The following PANX2 variants were observed in gnomAD, a reference collection of about 807,000 sequenced individuals.
PANX2 encodes pannexin 2, also known as pannexin-2.
A neutral mutation model predicts 38.7 loss-of-function variants in PANX2; 30 were observed. The observed-to-expected ratio is 0.78, with a 90% CI of 0.58 to 1.05. PANX2 has a LOEUF of 1.05. PANX2 is among the 50% of genes least tolerant of loss of function. The pLI is 0.00. For missense variants in PANX2, 880 were observed against 979.3 expected (o/e 0.90, Z 1.35); for synonymous variants, 539 against 472.1 (o/e 1.14, Z -1.84).
intron 1 of PANX2, among the ~76,000 whole-genome samples, chr22:50,176,118 G>T (rs776354908): frequency 6.6e-6 from 1 of 152,220 alleles, no homozygotes; most frequent in Non-Finnish European, 1.5e-5. Context: ...GCCTTCCTGG[G>T]AAACGTTAGC....
In PANX2 at chr22:50,177,767, A is replaced by G. The variant is rs142660378; in HGVS notation, c.1055A>G (p.Asn352Ser). ...CDINILAMFCNENRDHIKSLN... is the reference protein window; with the variant it reads ...CDINILAMFCSENRDHIKSLN... ...ATCAACATCCTGGCCATGTTCTGCA[A>G]CGAGAACCGCGACCACATCAAGTCG... Residue 352 changes from asparagine (N) to serine (S), a missense_variant, in exon 2 of 3, where the codon AAC becomes AGC. Transcript: ENST00000395842. The G allele has an allele frequency of 1.9e-6, 3 of 1,607,724 alleles. No homozygotes were observed. Among genetic ancestry groups the G allele is most frequent in the Non-Finnish European group, 1.7e-6 (2 of 1,179,782 alleles).
Position 50,178,308 on chromosome 22 carries a change from G to A in PANX2, c.1596G>A (p.Val532=). ...LGTKKAKAEA[V]PAALPASRSQ... is the part of the protein sequence containing the mutation. ...CCAAGAAGGCCAAGGCCGAGGCGGT[G>A]CCCGCCGCCCTGCCCGCCTCCCGGA... Residue 532 remains valine, a synonymous_variant, in exon 2 of 3, where the codon GTG becomes GTA. Coordinates refer to ENST00000395842, the MANE Select transcript of PANX2 (RefSeq NM_052839.4). The A allele has an allele frequency of 6.6e-7, 1 of 1,517,764 alleles. No homozygotes were observed. The allele number at this position is 1,517,764 out of a possible 1,614,324, so 94.0% of individuals were successfully genotyped here.
chr22:50,177,775 C>A lies in PANX2; in HGVS notation c.1063C>A (p.Arg355Ser). 1 of 1,606,682 alleles carries A rather than the reference C, an allele frequency of 6.2e-7. No individual in the cohort carries two copies. Among genetic ancestry groups the A allele is most frequent in the Non-Finnish European group, 8.5e-7 (1 of 1,179,802 alleles). ...NILAMFCNEN[R>S]DHIKSLNRLD... ...CCTGGCCATGTTCTGCAACGAGAACCGCGACCACATCAAGTCGCTCAACCG... is the reference window on the plus strand; with the variant it reads ...CCTGGCCATGTTCTGCAACGAGAACAGCGACCACATCAAGTCGCTCAACCG... Residue 355 changes from arginine to serine, a missense_variant, in exon 2 of 3, where the codon CGC becomes AGC. Around this residue, in one of 4 missense-constraint regions of PANX2, gnomAD observed 78 missense variants for 133.1 expected, o/e 0.59. Transcript: ENST00000395842.
In PANX2 at chr22:50,176,058, G is replaced by A. The variant is rs2063659547; in HGVS notation, c.227-881G>A. ...GGCCTCCGCGCCTGTGCTGTGTGAA[G>A]GGCTCAGCCTGAAGAGACTGCACGG... On this transcript the variant is annotated intron_variant, in intron 1 of 2. Transcript: ENST00000395842. 3.9e-5 allele frequency among the ~76,000 whole-genome samples: 6 copies of A among 152,308 alleles called. No individual in the cohort carries two copies. The South Asian group carries it at 1.2e-3, about 32-fold the overall frequency.
intron 1 of PANX2, among the ~76,000 whole-genome samples, chr22:50,173,475 G>A (rs1257851409): frequency 6.6e-6 from 1 of 152,406 alleles, no homozygotes; most frequent in South Asian, 2.1e-4. Context: ...GCAGGGTTGG[G>A]CCTGAGGGCC....
rs541592357 is a variant in PANX2 at position 50,179,402 on chromosome 22, A to G, written c.*125A>G. The G allele has an allele frequency of 2.4e-3, 2,025 of 855,062 alleles. 5 individuals are homozygous for G. Among genetic ancestry groups the G allele is most frequent in the Non-Finnish European group, 3.1e-3 (1,722 of 552,160 alleles). 53.0% of individuals were successfully genotyped at this position (855,062 alleles called of 1,614,324 possible). On this transcript the variant is annotated 3_prime_UTR_variant, in exon 3 of 3. Transcript: ENST00000395842. ...CTTCGCCCGCACTGCGCGCATCCCC[A>G]ACCTCTGTCCGCATGCCTGGGGCCT...
At position 50,177,393 on chromosome 22, in the gene PANX2, C is replaced by A. The variant is rs777623921; in HGVS notation, c.681C>A (p.Tyr227Ter). 1.2e-6 allele frequency: 2 copies of A among 1,609,630 alleles called. No individual in the cohort carries two copies. Among genetic ancestry groups the A allele is most frequent in the Non-Finnish European group, 1.7e-6 (2 of 1,178,540 alleles). The change falls in exon 2 of 3, where the codon TAC (tyrosine) becomes TAA (stop). Residue 227 changes from tyrosine to a stop codon, truncating the protein, a stop_gained. Transcript: ENST00000395842. LOFTEE classifies it high-confidence loss of function. ...RGRSNFLAKL[Y>*]LARHVLILLL... The stretch of plus-strand genomic sequence containing the variant: ...GCAGCAACTTCCTGGCCAAGCTGTA[C>A]CTGGCGCGGCACGTGCTGATCCTGC...
At chr22:50,173,291 C>T (rs1160449972) in intron 1 of PANX2, among the ~76,000 whole-genome samples, 1 of 152,266 alleles carries the variant, frequency 6.6e-6, no homozygotes, top group Non-Finnish European at 1.5e-5. Flanking sequence ...CCTCGGCCTC[C>T]CAAATTGCTG....
In PANX2 at chr22:50,177,555, C is replaced by G. The variant is rs747719403; in HGVS notation, c.843C>G (p.Leu281=). Residue 281 remains leucine (L), a synonymous_variant, in exon 2 of 3, where the codon CTC becomes CTG. Transcript: ENST00000395842. The stretch of plus-strand genomic sequence containing the variant: ...CCGCGGTGCGCGTGAGCTGCAAGCT[C>G]CCGTCCGTGCAACTGCAGCGCATCA... The part of the protein sequence containing the change: ...AGPAVRVSCK[L]PSVQLQRIIA... The G allele has an allele frequency of 1.9e-6, 3 of 1,612,046 alleles. No individual in the cohort carries two copies. The highest frequency in any genetic ancestry group is 2.5e-6 in the Non-Finnish European group (3 of 1,179,762).
intron 1 of PANX2, chr22:50,175,559 A>G: frequency 1.4e-6 from 1 of 726,566 alleles, no homozygotes; most frequent in Admixed American, 3.0e-5. Flanking sequence ...CTCTGAGCCC[A>G]GCTCATCTCC....
At position 50,179,313 on chromosome 22, in the gene PANX2, GC is replaced by G. The variant is rs1304687657; in HGVS notation, c.*38del. Reference sequence around the variant, plus strand: ...CGTCCAGGCCGCCGAGAGCCCCTCTGCCTGTGTCGTGTGGCCTGGCCAGCCT... The same window carrying G: ...CGTCCAGGCCGCCGAGAGCCCCTCTGCTGTGTCGTGTGGCCTGGCCAGCCT... On this transcript the variant is annotated 3_prime_UTR_variant, in exon 3 of 3. Transcript: ENST00000395842. The G allele has an allele frequency of 3.2e-6, 5 of 1,576,556 alleles. No homozygotes were observed. Among genetic ancestry groups the G allele is most frequent in the Non-Finnish European group, 4.3e-6 (5 of 1,154,654 alleles).
chr22:50,177,864 G>T lies in PANX2; in HGVS notation c.1152G>T (p.Ala384=). 6.4e-7 allele frequency: 1 copy of T among 1,568,846 alleles called. No individual in the cohort carries two copies. The highest frequency in any genetic ancestry group is 8.6e-7 in the Non-Finnish European group (1 of 1,163,896). ...MYDNVVRQLL[A]ALAQSNHDAT... ...ACAACGTGGTCCGGCAGCTGCTGGC[G>T]GCGCTGGCGCAGTCCAACCACGACG... is the stretch of plus-strand genomic sequence containing the variant. Residue 384 remains alanine, a synonymous_variant, in exon 2 of 3, where the codon GCG becomes GCT. Coordinates refer to ENST00000395842, the MANE Select transcript of PANX2 (RefSeq NM_052839.4).
In PANX2 at chr22:50,177,196, G is replaced by C. The variant is rs779334671; in HGVS notation, c.484G>C (p.Asp162His). 4 of 1,610,608 alleles carry C rather than the reference G, an allele frequency of 2.5e-6. No individual in the cohort carries two copies. Among genetic ancestry groups the C allele is most frequent in the Non-Finnish European group, 3.4e-6 (4 of 1,178,898 alleles). Reference protein sequence around the residue: ...SELNFLLQEIDNCYHRAAEGR... With the variant: ...SELNFLLQEIHNCYHRAAEGR... ...GCTCAACTTCCTGCTGCAGGAGATC[G>C]ACAACTGTTACCACCGGGCGGCCGA... is the stretch of plus-strand genomic sequence containing the variant. The change falls in exon 2 of 3, where the codon GAC becomes CAC. Residue 162 changes from aspartate (D) to histidine (H), a missense_variant. Physicochemically the swap from Asp to His is moderately conservative, Grantham distance 81. Transcript: ENST00000395842.
Position 50,179,264 on chromosome 22 carries a change from C to T in PANX2, c.2021C>T (p.Thr674Ile). Residue 674 changes from threonine to isoleucine, a missense_variant, in exon 3 of 3, where the codon ACT becomes ATT. Physicochemically the swap from Thr to Ile is moderately conservative, Grantham distance 89. This residue lies in a region of PANX2 where 445 missense variants were observed against 404.3 expected (regional missense o/e 1.10). Transcript: ENST00000395842. ...TFDEPRTVVSTVEF is the reference protein window; with the variant it reads ...TFDEPRTVVSIVEF ...GACGAGCCGAGAACGGTCGTGAGTACTGTGGAGTTTTGAGGGATGGCACCG... is the reference window on the plus strand; with the variant it reads ...GACGAGCCGAGAACGGTCGTGAGTATTGTGGAGTTTTGAGGGATGGCACCG... 1.2e-6 allele frequency: 2 copies of T among 1,612,434 alleles called. No individual in the cohort carries two copies. Among genetic ancestry groups the T allele is most frequent in the Non-Finnish European group, 1.7e-6 (2 of 1,179,732 alleles).
At chr22:50,174,758 G>A (rs924355362) in intron 1 of PANX2, among the ~76,000 whole-genome samples, 7 of 152,216 alleles carry the variant, frequency 4.6e-5, no homozygotes, top group African/African-American at 9.6e-5. Flanking sequence ...CAGTCGCTGC[G>A]TGTGGGATGG....
In PANX2 at chr22:50,178,240, G is replaced by A. The variant is rs1200091291; in HGVS notation, c.1528G>A (p.Ala510Thr). The stretch of plus-strand genomic sequence containing the variant: ...GCCGCCCGCCCCTGACAAGAAGCAC[G>A]CGCGCCACTTCTCCCTGGACGTGCA... ...APPPAPDKKH[A>T]RHFSLDVHPY... The change falls in exon 2 of 3, where the codon GCG becomes ACG. Residue 510 changes from alanine to threonine, a missense_variant. This residue lies in a region of PANX2 where 445 missense variants were observed against 404.3 expected (regional missense o/e 1.10). Coordinates refer to ENST00000395842, the MANE Select transcript of PANX2 (RefSeq NM_052839.4). The A allele has an allele frequency of 8.1e-7, 1 of 1,235,976 alleles. No individual in the cohort carries two copies. Among genetic ancestry groups the A allele is most frequent in the Non-Finnish European group, 1.1e-6 (1 of 947,270 alleles). The allele number at this position is 1,235,976 out of a possible 1,614,324, so 76.6% of individuals were successfully genotyped here. A position where few individuals can be genotyped will look rare whatever the true frequency, so the allele number is the denominator to read the frequency against.
intron 1 of PANX2, among the ~76,000 whole-genome samples, chr22:50,173,917 C>T (rs6010200): frequency 1.2e-4 from 18 of 152,322 alleles, no homozygotes; most frequent in African/African-American, 4.3e-4. Flanking sequence ...CCAAGACCCC[C>T]AGCCTAGGCA....
At chr22:50,173,097 C>T (rs1328449069) in intron 1 of PANX2, among the ~76,000 whole-genome samples, 3 of 152,194 alleles carry the variant, frequency 2.0e-5, no homozygotes, top group East Asian at 1.9e-4. Context: ...GGGGTTTTGC[C>T]ATGTTGGCCA....
chr22:50,176,816 TG>T, intron 1 of PANX2, 122 bp from the exon 2 acceptor site: 1 of 1,054,408 alleles, frequency 9.5e-7, no homozygotes, highest in East Asian at 2.7e-5. Flanking sequence ...AGGTGCTGTG[TG>T]GGAGGAGGCT....
Sources: allele counts gnomAD v4.1 joint callset (sites outside exome capture counted in the v4.1 genomes callset), GRCh38; gene constraint gnomAD v4.1.1; regional missense constraint gnomAD v4.1.1; transcripts MANE v1.5; gene names NCBI Gene and HGNC (gene_info 2026-07-23, HGNC 2026-07-21).